SH3BP4: variants seen among roughly 807,000 people sequenced by gnomAD.
SH3BP4 encodes the protein SH3 domain binding protein 4.
A neutral mutation model predicts 65.5 loss-of-function variants in SH3BP4; 33 were observed. The observed-to-expected ratio is 0.50, with a 90% CI of 0.38 to 0.67. The LOEUF is 0.67. Among genes scored for constraint, SH3BP4 ranks in the 30% least tolerant of loss-of-function variants. The pLI, the probability that SH3BP4 is intolerant of heterozygous loss-of-function variation, is 0.00. For synonymous variants in SH3BP4, 552 were observed against 545.5 expected, an observed-to-expected ratio of 1.01 and a Z score of -0.17; for missense variants, 1,134 against 1,261.4, an observed-to-expected ratio of 0.90 and a Z score of 1.53.
intron 2 of SH3BP4, among the ~76,000 whole-genome samples, chr2:235,024,155 C>G (rs1053498265): frequency 6.6e-6 from 1 of 152,184 alleles, no homozygotes; most frequent in African/African-American, 2.4e-5. Context: ...TGCTTAGAGG[C>G]CAGATTCTTG....
At chr2:235,038,397 ATAT>A (rs1695525413) in intron 3 of SH3BP4, among the ~76,000 whole-genome samples, 1 of 80,984 alleles carries the variant, frequency 1.2e-5, no homozygotes, top group African/African-American at 5.1e-5. Context: ...ATATATATAT[ATAT>A]ATATATATAT....
intron 3 of SH3BP4, among the ~76,000 whole-genome samples, chr2:235,036,954 C>T (rs1443233487): frequency 3.3e-5 from 5 of 152,036 alleles, no homozygotes; most frequent in African/African-American, 7.2e-5. Flanking sequence ...AATCTACCTC[C>T]GAGGCGCCAC....
chr2:234,976,090 G>GGAT lies in SH3BP4; in HGVS notation c.-206-19208_-206-19206dup, dbSNP rs1693159681. 2.0e-5 allele frequency among the ~76,000 whole-genome samples: 3 copies of GGAT among 152,244 alleles called. 1 individual carries two copies. Among genetic ancestry groups the GGAT allele is most frequent in the Admixed American group, 6.5e-5 (1 of 15,296 alleles). On this transcript the variant is annotated intron_variant, in intron 1 of 5. Coordinates refer to ENST00000392011, the MANE Select transcript of SH3BP4 (RefSeq NM_014521.3). The surrounding 1 kb of genome is among the most constrained non-coding windows in gnomAD (Gnocchi z 4.7). ...GAGTCTGTGCCGAGTTTGGCACCAG[G>GGAT]GATGATGTGTGTGGTTGTATCTTCT... is the stretch of plus-strand genomic sequence containing the variant.
At chr2:234,989,161 G>A (rs1693674301) in intron 1 of SH3BP4, among the ~76,000 whole-genome samples, 1 of 152,188 alleles carries the variant, frequency 6.6e-6, no homozygotes. Flanking sequence ...ACCTGGGGTT[G>A]GGTCCATGGC....
Position 234,967,644 on chromosome 2 carries a change from G to T in SH3BP4, c.-207+15474G>T, listed in dbSNP as rs755178632. Among the ~76,000 whole-genome samples, 5 of 152,042 alleles carry T rather than the reference G, an allele frequency of 3.3e-5. No homozygotes were observed. The highest frequency in any genetic ancestry group is 4.8e-5 in the African/African-American group (2 of 41,392). On this transcript the variant is annotated intron_variant, in intron 1 of 5. Coordinates refer to ENST00000392011, the MANE Select transcript of SH3BP4 (RefSeq NM_014521.3). The surrounding 1 kb of genome is among the most constrained non-coding windows in gnomAD (Gnocchi z 4.6). ...ATCCGCGTCAGGTTACCTCCTTCCC[G>T]TGCCTCCCTGGCTCCCTGGGTTCTT... is the stretch of plus-strand genomic sequence containing the variant.
At chr2:234,988,130 C>G (rs2106265607) in intron 1 of SH3BP4, among the ~76,000 whole-genome samples, 1 of 152,186 alleles carries the variant, frequency 6.6e-6, no homozygotes, top group South Asian at 2.1e-4. Context: ...TGTAATCCCG[C>G]CTCACTGCAT....
intron 1 of SH3BP4, among the ~76,000 whole-genome samples, chr2:234,972,134 G>GTT (rs944964472): frequency 8.7e-6 from 1 of 114,390 alleles, no homozygotes; most frequent in Admixed American, 8.7e-5. Flanking sequence ...TTTGTTTTTT[G>GTT]TTTTTTTTTT....
intron 1 of SH3BP4, among the ~76,000 whole-genome samples, chr2:234,955,914 T>C (rs571941526): frequency 3.1e-4 from 47 of 152,270 alleles, no homozygotes; most frequent in African/African-American, 1.1e-3. Context: ...AGTGCTTGAG[T>C]TGGGATTTGA....
chr2:235,052,813 G>T lies in SH3BP4; in HGVS notation c.2667+63G>T. ...CTGTCCCTGGGTTCCGTGGACCCAT[G>T]CAGTGCAGCCATAAAAAGTCTTGCC... is the stretch of plus-strand genomic sequence containing the variant. On this transcript the variant is annotated intron_variant, in intron 5 of 5. Transcript: ENST00000392011. The surrounding 1 kb of genome is among the most constrained non-coding windows in gnomAD (Gnocchi z 5.0). The T allele has an allele frequency of 6.9e-7, 1 of 1,439,760 alleles. No individual in the cohort carries two copies. Among genetic ancestry groups the T allele is most frequent in the Admixed American group, 2.3e-5 (1 of 44,352 alleles). 89.2% of individuals were successfully genotyped at this position (1,439,760 alleles called of 1,614,324 possible).
intron 2 of SH3BP4, chr2:234,996,021 C>G (rs1693904364): frequency 6.6e-6 from 1 of 152,206 alleles, no homozygotes; most frequent in Non-Finnish European, 1.5e-5. Context: ...CTGTTCTTGG[C>G]TTTTATACTC....
chr2:235,037,917 C>G (rs949517331), intron 3 of SH3BP4, among the ~76,000 whole-genome samples: 1 of 151,866 alleles, frequency 6.6e-6, no homozygotes, highest in Non-Finnish European at 1.5e-5. Flanking sequence ...TTTTAGAGCA[C>G]AAGGGCACAG....
Position 234,978,236 on chromosome 2 carries a change from G to A in SH3BP4, c.-206-17067G>A, listed in dbSNP as rs1046667062. On this transcript the variant is annotated intron_variant, in intron 1 of 5. Coordinates refer to ENST00000392011, the MANE Select transcript of SH3BP4 (RefSeq NM_014521.3). This position sits in a 1 kb window ranked among gnomAD's most constrained non-coding sequence, Gnocchi z 4.1. ...CTCCCAAAGTGCTGGGATTACAGGC[G>A]TGAGCCACCATGCTGGCAGTCTGTT... Among the ~76,000 whole-genome samples, 2 of 152,188 alleles carry A rather than the reference G, an allele frequency of 1.3e-5. No individual in the cohort carries two copies. The highest frequency in any genetic ancestry group is 2.4e-5 in the African/African-American group (1 of 41,456).
rs113529749 is a variant in SH3BP4 at position 234,956,937 on chromosome 2, G to A, written c.-207+4767G>A. Among the ~76,000 whole-genome samples, 575 of 152,176 alleles carry A rather than the reference G, an allele frequency of 3.8e-3. 2 individuals carry two copies. Among genetic ancestry groups the A allele is most frequent in the African/African-American group, 0.013 (557 of 41,512 alleles). ...GAGGTCCCTGAGCTCATAGTGTGCC[G>A]GTAAACCTGCTCTCTGAGGAGAAAG... is the stretch of plus-strand genomic sequence containing the variant. On this transcript the variant is annotated intron_variant, in intron 1 of 5. Coordinates refer to ENST00000392011, the MANE Select transcript of SH3BP4 (RefSeq NM_014521.3).
In SH3BP4 at chr2:235,052,865, A is replaced by G. The variant is rs1181711526; in HGVS notation, c.2667+115A>G. ...CGCGGCATTTCTGTGAGGGTGCAAC[A>G]GGTGGAAATGTGCACGCATGTGCCC... On this transcript the variant is annotated intron_variant, in intron 5 of 5. Coordinates refer to ENST00000392011, the MANE Select transcript of SH3BP4 (RefSeq NM_014521.3). The surrounding 1 kb of genome is among the most constrained non-coding windows in gnomAD (Gnocchi z 5.0). The G allele has an allele frequency of 5.8e-6, 6 of 1,036,426 alleles. No homozygotes were observed. Among genetic ancestry groups the G allele is most frequent in the Admixed American group, 2.5e-5 (1 of 40,078 alleles). The allele number at this position is 1,036,426 out of a possible 1,614,324, so 64.2% of individuals were successfully genotyped here.
At chr2:235,017,091 C>T (rs1457171063) in intron 2 of SH3BP4, among the ~76,000 whole-genome samples, 3 of 129,552 alleles carry the variant, frequency 2.3e-5, no homozygotes, top group Non-Finnish European at 4.7e-5. Flanking sequence ...TTCTCATGTA[C>T]CCAAAGAAAA....
Position 235,034,823 on chromosome 2 carries a change from C to A in SH3BP4, c.-132-48C>A. ...CTTCCCATAAAATTACCATTGAACC[C>A]ATGTTTCGCTTGCTTAAGGGACTTT... is the stretch of plus-strand genomic sequence containing the variant. On this transcript the variant is annotated intron_variant, in intron 2 of 5. Transcript: ENST00000392011. This position sits in a 1 kb window ranked among gnomAD's most constrained non-coding sequence, Gnocchi z 6.2. 1.7e-6 allele frequency: 1 copy of A among 589,074 alleles called. No individual in the cohort carries two copies. The highest frequency in any genetic ancestry group is 3.0e-6 in the Non-Finnish European group (1 of 331,018). The allele number at this position is 589,074 out of a possible 1,614,324, so 36.5% of individuals were successfully genotyped here.
chr2:234,988,025 T>C (rs1024318548), intron 1 of SH3BP4, among the ~76,000 whole-genome samples: 68 of 152,244 alleles, frequency 4.5e-4, no homozygotes, highest in Admixed American at 2.9e-3. Flanking sequence ...TTGACTGCAT[T>C]TTCCTCAGGT....
chr2:234,963,132 T>G (rs1357659438), intron 1 of SH3BP4, among the ~76,000 whole-genome samples: 1 of 152,232 alleles, frequency 6.6e-6, no homozygotes. Context: ...CATCCTCATT[T>G]TTCATGTCAG....
At chr2:235,022,674 G>T (rs1416658599) in intron 2 of SH3BP4, among the ~76,000 whole-genome samples, 1 of 152,156 alleles carries the variant, frequency 6.6e-6, no homozygotes, top group Non-Finnish European at 1.5e-5. Flanking sequence ...GCTAGTTAGG[G>T]GTGAGAACTG....
Sources: allele counts gnomAD v4.1 joint callset (sites outside exome capture counted in the v4.1 genomes callset), GRCh38; gene constraint gnomAD v4.1.1; non-coding constraint Gnocchi (gnomAD v3.1); transcripts MANE v1.5; gene names NCBI Gene and HGNC (gene_info 2026-07-23, HGNC 2026-07-21).